LRRC37A2: variants seen among roughly 807,000 people sequenced by gnomAD.
LRRC37A2 encodes leucine rich repeat containing 37 member A2.
In LRRC37A2, 9 loss-of-function variants were observed where a neutral mutation model predicts 68.8. That is an observed-to-expected ratio of 0.13 (90% CI 0.08 to 0.23). LRRC37A2 has a LOEUF of 0.23. Among genes scored for constraint, LRRC37A2 ranks in the 10% least tolerant of loss-of-function variants. LRRC37A2 has a pLI of 1.00. For missense variants in LRRC37A2, 168 were observed against 950.4 expected, an observed-to-expected ratio of 0.18 and a Z score of 10.82; for synonymous variants, 63 against 367.6, an observed-to-expected ratio of 0.17 and a Z score of 9.48.
chr17:46,717,739 C>T, the LRRC37A2 span, among the ~76,000 whole-genome samples: 13 of 152,038 alleles, frequency 8.6e-5, no homozygotes, highest in Admixed American at 3.3e-4. Flanking sequence ...ATGTGTCGTT[C>T]GGGGAGTGGG....
At chr17:46,869,597 G>A in the LRRC37A2 span, among the ~76,000 whole-genome samples, 2 of 152,206 alleles carry the variant, frequency 1.3e-5, no homozygotes, top group Non-Finnish European at 2.9e-5. Context: ...GCAGCCTAGG[G>A]AATTCTGGCA....
At chr17:47,010,558 A>C in the LRRC37A2 span, 1 of 152,226 alleles carries the variant, frequency 6.6e-6, no homozygotes, top group Non-Finnish European at 1.5e-5. Context: ...TATTTCCAGG[A>C]GATGGATAAT....
At chr17:46,789,131 G>A in the LRRC37A2 span, among the ~76,000 whole-genome samples, 1 of 152,130 alleles carries the variant, frequency 6.6e-6, no homozygotes, top group Admixed American at 6.5e-5. Flanking sequence ...GGCACTCCTG[G>A]TCTTGCAAGG....
At chr17:46,935,882 G>A in the LRRC37A2 span, 8 of 985,816 alleles carry the variant, frequency 8.1e-6, no homozygotes, top group Non-Finnish European at 8.4e-6. Context: ...AATAGGGCGT[G>A]GGTTCTGTCT....
the LRRC37A2 span, chr17:47,018,544 C>T: frequency 6.6e-7 from 1 of 1,520,366 alleles, no homozygotes; most frequent in Non-Finnish European, 9.1e-7. Flanking sequence ...GATGTAGAAC[C>T]TCCCACCATC....
At chr17:46,956,591 C>T in the LRRC37A2 span, among the ~76,000 whole-genome samples, 11 of 152,156 alleles carry the variant, frequency 7.2e-5, no homozygotes, top group African/African-American at 2.4e-4. Flanking sequence ...CGTGAGCCAC[C>T]GCACCCAGCC....
At chr17:47,005,770 T>C in the LRRC37A2 span, 1 of 152,188 alleles carries the variant, frequency 6.6e-6, no homozygotes, top group African/African-American at 2.4e-5. Flanking sequence ...TGTCCCAGGC[T>C]TCTCCACAGA....
the LRRC37A2 span, among the ~76,000 whole-genome samples, chr17:46,785,010 C>T: frequency 1.3e-5 from 2 of 152,168 alleles, no homozygotes; most frequent in African/African-American, 4.8e-5. Flanking sequence ...ATCTCCTGAC[C>T]TCGTGATCTG....
chr17:46,988,767 G>T, the LRRC37A2 span, among the ~76,000 whole-genome samples: 1 of 152,212 alleles, frequency 6.6e-6, no homozygotes, highest in East Asian at 1.9e-4. Context: ...CCTGGGGCTG[G>T]AGATAAAGGT....
chr17:47,011,988 CA>C, the LRRC37A2 span, among the ~76,000 whole-genome samples: 1 of 152,146 alleles, frequency 6.6e-6, no homozygotes, highest in Admixed American at 6.5e-5. Flanking sequence ...AATGAATAAA[CA>C]ATCTCTGGGG....
At chr17:46,864,518 G>GGGAAAGT in the LRRC37A2 span, among the ~76,000 whole-genome samples, 1 of 152,158 alleles carries the variant, frequency 6.6e-6, no homozygotes, top group South Asian at 2.1e-4. Flanking sequence ...TTTCAGACCA[G>GGGAAAGT]GGAAAGTAGC....
the LRRC37A2 span, among the ~76,000 whole-genome samples, chr17:46,719,887 T>G: frequency 2.6e-5 from 4 of 152,236 alleles, no homozygotes; most frequent in African/African-American, 9.6e-5. This position sits in a 1 kb window ranked among gnomAD's most constrained non-coding sequence, Gnocchi z 4.3. Context: ...TACCAGTGAT[T>G]TATAAAACTG....
the LRRC37A2 span, among the ~76,000 whole-genome samples, chr17:46,894,875 T>A: frequency 6.6e-6 from 1 of 152,226 alleles, no homozygotes; most frequent in Admixed American, 6.5e-5. Context: ...TTCCAGCTAA[T>A]GGGCCTGCCC....
At chr17:46,772,414 G>C in the LRRC37A2 span, among the ~76,000 whole-genome samples, 1 of 152,232 alleles carries the variant, frequency 6.6e-6, no homozygotes, top group Non-Finnish European at 1.5e-5. Context: ...AGAGCGATCA[G>C]AGGTGACTCG....
the LRRC37A2 span, among the ~76,000 whole-genome samples, chr17:46,942,502 G>A: frequency 3.9e-5 from 6 of 152,364 alleles, no homozygotes; most frequent in African/African-American, 1.4e-4. Flanking sequence ...CACACTTCTC[G>A]TGGGGTGCTC....
the LRRC37A2 span, among the ~76,000 whole-genome samples, chr17:46,974,049 T>C: frequency 6.6e-6 from 1 of 152,294 alleles, no homozygotes; most frequent in South Asian, 2.1e-4. Context: ...AGAAAGTAAG[T>C]GGATGTGGTG....
the LRRC37A2 span, among the ~76,000 whole-genome samples, chr17:46,934,553 C>T: frequency 4.9e-4 from 75 of 152,264 alleles, no homozygotes; most frequent in African/African-American, 1.7e-3. Flanking sequence ...GCACAGCCTC[C>T]TCTATCCTTA....
At chr17:46,876,493 C>T in the LRRC37A2 span, 3 of 1,613,644 alleles carry the variant, frequency 1.9e-6, no homozygotes, top group East Asian at 6.7e-5. Flanking sequence ...ACCTGGTGTA[C>T]ATGGAGGACT....
chr17:46,863,227 A>G, the LRRC37A2 span, among the ~76,000 whole-genome samples: 5 of 152,226 alleles, frequency 3.3e-5, no homozygotes, highest in African/African-American at 1.2e-4. Context: ...GCAGCCAGAG[A>G]GCAAGACCAC....
Sources: allele counts gnomAD v4.1 joint callset (sites outside exome capture counted in the v4.1 genomes callset), GRCh38; gene constraint gnomAD v4.1.1; non-coding constraint Gnocchi (gnomAD v3.1); transcripts MANE v1.5; gene names NCBI Gene and HGNC (gene_info 2026-07-23, HGNC 2026-07-21).